WDR36: variants seen among roughly 807,000 people sequenced by gnomAD.
WDR36 encodes the protein WD repeat domain 36.
Under a neutral mutation model 112.7 loss-of-function variants are expected in WDR36, and 63 were observed. The ratio of observed to expected loss-of-function variants is 0.56; its 90% confidence interval spans 0.46 to 0.69. The LOEUF is 0.69. Ranked by LOEUF, WDR36 falls within the 30% of genes least tolerant of loss-of-function variation. The probability of loss-of-function intolerance (pLI) is 0.00; values close to 1 mark genes in which losing one functional copy is unlikely to be tolerated. For synonymous variants in WDR36, 410 were observed against 362.2 expected (o/e 1.13, Z -1.50); for missense variants, 1,226 against 1,070.3 (o/e 1.15, Z -2.03).
In WDR36 at chr5:111,126,812, TGGA is replaced by T; in HGVS notation, c.2618_2620del (p.Trp873_Thr874delinsSer). 1 of 1,613,784 alleles carries T rather than the reference TGGA, an allele frequency of 6.2e-7. No individual in the cohort carries two copies. Among genetic ancestry groups the T allele is most frequent in the Non-Finnish European group, 8.5e-7 (1 of 1,179,826 alleles). On this transcript the variant is annotated inframe_deletion, in exon 23 of 23. Coordinates refer to ENST00000513710, the MANE Select transcript of WDR36 (RefSeq NM_139281.3). Reference sequence around the variant, plus strand: ...TTTGTCATCCCAGGTGGAAGAAAACTGGACCCATTTGCAATCACTCTTCAATCA... The same window carrying T: ...TTTGTCATCCCAGGTGGAAGAAAACTCCCATTTGCAATCACTCTTCAATCA...
chr5:111,107,542 G>A lies in WDR36; in HGVS notation c.1326+103G>A, dbSNP rs1410123472. On this transcript the variant is annotated intron_variant, in intron 12 of 22. Transcript: ENST00000513710. ...TCATAATATTGACTGAAAAAACGTA[G>A]TTTAACATTTTAAAGCATTGCATAA... The A allele has an allele frequency of 4.7e-6, 7 of 1,476,464 alleles. No homozygotes were observed. In the African/African-American group the frequency reaches 8.5e-5, roughly 18 times the overall value. 91.5% of individuals were successfully genotyped at this position (1,476,464 alleles called of 1,614,324 possible).
chr5:111,102,559 G>A (rs1753142074), intron 6 of WDR36, among the ~76,000 whole-genome samples, 160 bp downstream of exon 6: 1 of 151,736 alleles, frequency 6.6e-6, no homozygotes, highest in Non-Finnish European at 1.5e-5. Context: ...GGAAATGTAA[G>A]TTAAAACAAG....
chr5:111,103,999 G>T (rs1753171787), intron 7 of WDR36, 81 bp downstream of exon 7: 2 of 1,548,590 alleles, frequency 1.3e-6, no homozygotes, highest in Non-Finnish European at 1.8e-6. Flanking sequence ...TTTGTCTTCT[G>T]GTAGCTTAAT....
At chr5:111,122,325 A>G (rs1234224894) in intron 19 of WDR36, among the ~76,000 whole-genome samples, 1 of 152,232 alleles carries the variant, frequency 6.6e-6, no homozygotes, top group Non-Finnish European at 1.5e-5. Flanking sequence ...GATATAGTTT[A>G]TACTGCATAA....
At chr5:111,121,615 T>G (rs1753567910) in intron 19 of WDR36, among the ~76,000 whole-genome samples, 1 of 152,164 alleles carries the variant, frequency 6.6e-6, no homozygotes, top group Non-Finnish European at 1.5e-5. Context: ...GTGTCAGGGC[T>G]AGGTACATAA....
Position 111,129,836 on chromosome 5 carries a change from TTC to T in WDR36, c.*2955_*2956del, listed in dbSNP as rs1753753638. On this transcript the variant is annotated 3_prime_UTR_variant, in exon 23 of 23. Transcript: ENST00000513710. Reference sequence around the variant, plus strand: ...TCATGTATTTTCCTCTACGACATGTTTCTGTGTGAGTAGTTAACATGTAGATC... The same window carrying T: ...TCATGTATTTTCCTCTACGACATGTTTGTGTGAGTAGTTAACATGTAGATC... 4.8e-6 allele frequency: 1 copy of T among 207,492 alleles called. No individual in the cohort carries two copies. The highest frequency in any genetic ancestry group is 5.9e-5 in the Admixed American group (1 of 16,882). The allele number at this position is 207,492 out of a possible 1,614,324, so 12.9% of individuals were successfully genotyped here. A position where few individuals can be genotyped will look rare whatever the true frequency, so the allele number is the denominator to read the frequency against.
rs1430906965 is a variant in WDR36, at chr5:111,111,201, T to G, written c.1639T>G (p.Ser547Ala). The change falls in exon 15 of 23, where the codon TCC (serine) becomes GCC (alanine). Residue 547 changes from serine (S) to alanine (A), a missense_variant. Transcript: ENST00000513710. ...GILGLALDDF[S>A]ISVLDIETRK... ...TCTGGGACTCGCCTTGGATGACTTC[T>G]CCATTAGTGTTCTGGACATAGAAAC... The G allele has an allele frequency of 6.2e-7, 1 of 1,611,856 alleles. No homozygotes were observed. The highest frequency in any genetic ancestry group is 1.3e-5 in the African/African-American group (1 of 74,796).
At position 111,129,480 on chromosome 5, in the gene WDR36, T is replaced by G. The variant is rs1370851722; in HGVS notation, c.*2597T>G. The G allele has an allele frequency of 5.2e-6, 1 of 192,996 alleles. No individual in the cohort carries two copies. The highest frequency in any genetic ancestry group is 1.1e-5 in the Non-Finnish European group (1 of 92,408). 12.0% of individuals were successfully genotyped at this position (192,996 alleles called of 1,614,324 possible). ...ATCAGAAATTTCTCACTAGTGAAGA[T>G]GGACATATTTTTGTATGTTTATTTT... On this transcript the variant is annotated 3_prime_UTR_variant, in exon 23 of 23. Coordinates refer to ENST00000513710, the MANE Select transcript of WDR36 (RefSeq NM_139281.3).
At chr5:111,095,846 G>A (rs974904933) in intron 2 of WDR36, among the ~76,000 whole-genome samples, 5 of 152,086 alleles carry the variant, frequency 3.3e-5, no homozygotes, top group Admixed American at 6.6e-5. Flanking sequence ...TCTTTCCAAT[G>A]GAAGGGTTTT....
At chr5:111,098,499 T>C (rs1753040985) in intron 3 of WDR36, among the ~76,000 whole-genome samples, 1 of 152,174 alleles carries the variant, frequency 6.6e-6, no homozygotes, top group African/African-American at 2.4e-5. Flanking sequence ...TCTTTGTTCT[T>C]AATGGACAGT....
chr5:111,102,893 C>T (rs536054483), intron 6 of WDR36, among the ~76,000 whole-genome samples: 6 of 151,690 alleles, frequency 4.0e-5, no homozygotes, highest in Non-Finnish European at 5.9e-5. Flanking sequence ...TGCATGTCTA[C>T]AGCGAATCTT....
At chr5:111,125,465 C>T (rs1283670444) in intron 21 of WDR36, 143 bp from the exon 22 acceptor site, 1 of 811,106 alleles carries the variant, frequency 1.2e-6, no homozygotes, top group Admixed American at 2.7e-5. Context: ...TTTCATTCTA[C>T]TACATAATAT....
chr5:111,112,218 C>A (rs1753356199), intron 15 of WDR36, among the ~76,000 whole-genome samples: 1 of 151,988 alleles, frequency 6.6e-6, no homozygotes, highest in Non-Finnish European at 1.5e-5. Flanking sequence ...TCAAACCTTA[C>A]TTTCAACTTG....
chr5:111,095,982 C>G (rs1373663765), intron 2 of WDR36, among the ~76,000 whole-genome samples: 2 of 152,068 alleles, frequency 1.3e-5, no homozygotes, highest in African/African-American at 4.8e-5. Flanking sequence ...GTGTATTAAA[C>G]TTATATTTTA....
At position 111,092,528 on chromosome 5, in the gene WDR36, C is replaced by T. The variant is rs1303979282; in HGVS notation, c.72C>T (p.Ser24=). The change falls in exon 1 of 23, where the codon AGC becomes AGT. Residue 24 remains serine (S), a synonymous_variant. Coordinates refer to ENST00000513710, the MANE Select transcript of WDR36 (RefSeq NM_139281.3). ...FAGFRALGLF[S]NDIPHVVRFS... The stretch of plus-strand genomic sequence containing the variant: ...GGTTCCGGGCCTTGGGACTTTTCAG[C>T]AACGACATTCCACACGTGGTGCGGT... The T allele has an allele frequency of 1.9e-6, 3 of 1,614,124 alleles. No homozygotes were observed. The highest frequency in any genetic ancestry group is 2.5e-6 in the Non-Finnish European group (3 of 1,180,056).
intron 22 of WDR36, 41 bp from the exon 23 acceptor site, chr5:111,126,693 T>A (rs1753684080): frequency 1.2e-6 from 2 of 1,605,900 alleles, no homozygotes; most frequent in Non-Finnish European, 1.7e-6. Flanking sequence ...GGTAAAATTT[T>A]AATTTTCTTA....
At position 111,104,786 on chromosome 5, in the gene WDR36, T is replaced by C. The variant is rs1389165754; in HGVS notation, c.996T>C (p.Tyr332=). ...HSAPLTNIRY[Y]GQNGQQILSA... ...CTCCTCTTACCAATATCAGATATTATGGACAGAATGGACAGCAGATTCTAA... is the reference window on the plus strand; with the variant it reads ...CTCCTCTTACCAATATCAGATATTACGGACAGAATGGACAGCAGATTCTAA... The change falls in exon 9 of 23, where the codon TAT becomes TAC. Residue 332 remains tyrosine, a synonymous_variant. Coordinates refer to ENST00000513710, the MANE Select transcript of WDR36 (RefSeq NM_139281.3). The C allele has an allele frequency of 1.9e-6, 3 of 1,611,110 alleles. No homozygotes were observed. The highest frequency in any genetic ancestry group is 1.7e-5 in the Admixed American group (1 of 59,830).
intron 17 of WDR36, among the ~76,000 whole-genome samples, chr5:111,119,403 A>G (rs1257202610): frequency 1.3e-5 from 2 of 152,162 alleles, no homozygotes; most frequent in Admixed American, 1.3e-4. Flanking sequence ...GTTTAGGAAA[A>G]GGGAGTCCCC....
chr5:111,113,534 C>T (rs1753391757), intron 16 of WDR36, among the ~76,000 whole-genome samples: 1 of 151,992 alleles, frequency 6.6e-6, no homozygotes. Context: ...GGTCAAACCC[C>T]CTAACTTTTC....
Sources: allele counts gnomAD v4.1 joint callset (sites outside exome capture counted in the v4.1 genomes callset), GRCh38; gene constraint gnomAD v4.1.1; transcripts MANE v1.5; gene names NCBI Gene and HGNC (gene_info 2026-07-23, HGNC 2026-07-21).